MAD1L1: variants seen among roughly 807,000 people sequenced by gnomAD.
MAD1L1 encodes mitotic arrest deficient 1 like 1.
MAD1L1 carries 95 observed loss-of-function variants against 96.9 expected under a neutral mutation model. The observed-to-expected ratio is 0.98, with a 90% CI of 0.83 to 1.16. The LOEUF (loss-of-function observed/expected upper bound fraction) is 1.16, where lower values mean the gene tolerates loss of function less well. Ranked by LOEUF, MAD1L1 falls within the 50% of genes most tolerant of loss-of-function variation. The pLI, the probability that MAD1L1 is intolerant of heterozygous loss-of-function variation, is 0.00. For missense variants in MAD1L1, 1,007 were observed against 954.4 expected (o/e 1.06, Z -0.73); for synonymous variants, 473 against 396.6 (o/e 1.19, Z -2.29).
At chr7:2,002,226 G>T in intron 13 of MAD1L1, 105 bp from the exon 14 acceptor site, 1 of 1,121,616 alleles carries the variant, frequency 8.9e-7, no homozygotes, top group Non-Finnish European at 1.3e-6. Flanking sequence ...CCACTCTCTG[G>T]GGAGCAACGG....
chr7:2,122,371 T>C (rs1788020641), intron 11 of MAD1L1, among the ~76,000 whole-genome samples: 1 of 152,154 alleles, frequency 6.6e-6, no homozygotes, highest in South Asian at 2.1e-4. Flanking sequence ...TTCACGCTTG[T>C]AATCCTAAAA....
chr7:1,923,467 G>A (rs1392712006), intron 17 of MAD1L1, among the ~76,000 whole-genome samples: 18 of 133,372 alleles, frequency 1.3e-4, no homozygotes, highest in South Asian at 2.4e-4. Context: ...TGGCACCCCC[G>A]CGCTCTTCCG....
intron 12 of MAD1L1, among the ~76,000 whole-genome samples, chr7:2,066,271 G>A (rs1318040197): frequency 6.6e-6 from 1 of 152,208 alleles, no homozygotes; most frequent in Non-Finnish European, 1.5e-5. Context: ...CACCCCAGCT[G>A]GGCGGGCTGC....
At chr7:2,046,692 G>A (rs1351309756) in intron 12 of MAD1L1, among the ~76,000 whole-genome samples, 1 of 152,174 alleles carries the variant, frequency 6.6e-6, no homozygotes, top group East Asian at 1.9e-4. Flanking sequence ...GTAGGAAAGG[G>A]GTGAGCGCTG....
rs1043750323 is a variant in MAD1L1, at chr7:1,968,892, A to G, written c.1506-11173T>C. Among the ~76,000 whole-genome samples the G allele has an allele frequency of 6.6e-6, 1 of 152,246 alleles. No homozygotes were observed. The highest frequency in any genetic ancestry group is 1.5e-5 in the Non-Finnish European group (1 of 68,046). ...AAAATCAACACGGTGCCCTGGCTGC[A>G]ACATGCAGGAAAGCCTGGTGGATCC... On this transcript the variant is annotated intron_variant, in intron 15 of 18. Coordinates refer to ENST00000265854, the MANE Select transcript of MAD1L1 (RefSeq NM_001013836.2). This position sits in a 1 kb window ranked among gnomAD's most constrained non-coding sequence, Gnocchi z 5.6.
Position 1,898,311 on chromosome 7 carries a change from G to T in MAD1L1, c.1887C>A (p.Phe629Leu). 6.2e-7 allele frequency: 1 copy of T among 1,614,124 alleles called. No individual in the cohort carries two copies. The highest frequency in any genetic ancestry group is 8.5e-7 in the Non-Finnish European group (1 of 1,180,012). The change falls in exon 18 of 19, where the codon TTC becomes TTA. Residue 629 changes from phenylalanine to leucine, a missense_variant. By Grantham distance (22) the Phe-to-Leu change is conservative (BLOSUM62 0). Coordinates refer to ENST00000265854, the MANE Select transcript of MAD1L1 (RefSeq NM_001013836.2). ...KEVFQTKIQEFRKACYTLTGY... is the reference protein window; with the variant it reads ...KEVFQTKIQELRKACYTLTGY... ...CGGTGAGCGTGTAGCAGGCCTTGCG[G>T]AACTCCTGGATCTTGGTCTGGAAAA...
chr7:1,988,631 G>A (rs954767156), intron 14 of MAD1L1, among the ~76,000 whole-genome samples: 3 of 152,166 alleles, frequency 2.0e-5, no homozygotes, highest in African/African-American at 7.2e-5. Context: ...TGGAGGACCC[G>A]GCCGCGCTCC....
intron 12 of MAD1L1, among the ~76,000 whole-genome samples, chr7:2,017,798 C>T (rs1370782115): frequency 6.6e-6 from 1 of 152,164 alleles, no homozygotes; most frequent in African/African-American, 2.4e-5. Flanking sequence ...AGACAGATTC[C>T]CAAAGAGGCT....
intron 10 of MAD1L1, among the ~76,000 whole-genome samples, chr7:2,212,878 C>A (rs916706604): frequency 6.6e-6 from 1 of 152,226 alleles, no homozygotes; most frequent in African/African-American, 2.4e-5. Flanking sequence ...ATGATTTCCC[C>A]CAAAAGCAAT....
intron 11 of MAD1L1, among the ~76,000 whole-genome samples, chr7:2,127,070 C>T (rs1788266880): frequency 6.6e-6 from 1 of 152,188 alleles, no homozygotes; most frequent in Non-Finnish European, 1.5e-5. Context: ...GGGATGAAGA[C>T]ATCTGAACAC....
chr7:2,173,471 A>G (rs35038526), intron 10 of MAD1L1, among the ~76,000 whole-genome samples: 38,025 of 152,182 alleles, frequency 0.25, 5,758 homozygotes, highest in Middle Eastern at 0.33. Flanking sequence ...CCCTCAAGCT[A>G]ACAGGAGAAG....
chr7:1,948,009 G>A (rs1279506031), intron 16 of MAD1L1, among the ~76,000 whole-genome samples: 1 of 152,232 alleles, frequency 6.6e-6, no homozygotes, highest in Non-Finnish European at 1.5e-5. Flanking sequence ...CGTGACCAGT[G>A]CCCGGGAGCG....
At chr7:2,179,945 T>C (rs1791118681) in intron 10 of MAD1L1, among the ~76,000 whole-genome samples, 1 of 149,866 alleles carries the variant, frequency 6.7e-6, no homozygotes, top group Non-Finnish European at 1.5e-5. Context: ...CACTCCAGAC[T>C]GGGCAACAAG....
intron 17 of MAD1L1, among the ~76,000 whole-genome samples, chr7:1,909,829 G>C (rs893233040): frequency 2.0e-5 from 3 of 152,176 alleles, no homozygotes; most frequent in Non-Finnish European, 4.4e-5. Context: ...CCTCCATGAT[G>C]AGCCATGAGT....
intron 4 of MAD1L1, among the ~76,000 whole-genome samples, chr7:2,223,856 T>G (rs1793740552): frequency 6.6e-6 from 1 of 151,858 alleles, no homozygotes; most frequent in South Asian, 2.1e-4. Flanking sequence ...CCCTAATAGG[T>G]ATTTCCAGGT....
At chr7:2,189,845 C>G (rs1315072092) in intron 10 of MAD1L1, among the ~76,000 whole-genome samples, 1 of 152,108 alleles carries the variant, frequency 6.6e-6, no homozygotes, top group African/African-American at 2.4e-5. Flanking sequence ...GAAAAGCATC[C>G]TCCTCAACCT....
chr7:1,919,182 T>C (rs1003779039), intron 17 of MAD1L1, among the ~76,000 whole-genome samples: 1 of 152,142 alleles, frequency 6.6e-6, no homozygotes, highest in Admixed American at 6.5e-5. Context: ...GGTGGTCCCG[T>C]TTCTCAAATG....
At chr7:2,054,601 T>C (rs2128519720) in intron 12 of MAD1L1, among the ~76,000 whole-genome samples, 1 of 152,284 alleles carries the variant, frequency 6.6e-6, no homozygotes, top group African/African-American at 2.4e-5. Flanking sequence ...AATGTCAGTC[T>C]AGAAAGGTAA....
intron 12 of MAD1L1, among the ~76,000 whole-genome samples, chr7:2,043,965 T>C (rs1783808431): frequency 6.6e-6 from 1 of 152,116 alleles, no homozygotes; most frequent in Non-Finnish European, 1.5e-5. Context: ...CAAGCACAGA[T>C]GGGTGCCCGT....
Sources: allele counts gnomAD v4.1 joint callset (sites outside exome capture counted in the v4.1 genomes callset), GRCh38; gene constraint gnomAD v4.1.1; non-coding constraint Gnocchi (gnomAD v3.1); transcripts MANE v1.5; gene names NCBI Gene and HGNC (gene_info 2026-07-23, HGNC 2026-07-21).